AHCTF1: variants seen among roughly 807,000 people sequenced by gnomAD.
The protein encoded by AHCTF1 is protein ELYS.
AHCTF1 carries 24 observed loss-of-function variants against 248.4 expected under a neutral mutation model. The ratio of observed to expected loss-of-function variants is 0.10; its 90% confidence interval spans 0.07 to 0.14. AHCTF1 has a LOEUF of 0.14. Ranked by LOEUF, AHCTF1 falls within the 10% of genes least tolerant of loss-of-function variation. AHCTF1 has a pLI of 1.00. For synonymous variants in AHCTF1, 786 were observed against 929.8 expected (o/e 0.85, Z 2.81); for missense variants, 2,206 against 2,636.2 (o/e 0.84, Z 3.57).
intron 35 of AHCTF1, among the ~76,000 whole-genome samples, chr1:246,841,284 T>C (rs1659845525): frequency 6.6e-6 from 1 of 152,094 alleles, no homozygotes; most frequent in South Asian, 2.1e-4. Flanking sequence ...TATGAAAAAA[T>C]ACTGCTGGAT....
At chr1:246,858,087 G>C (rs532869171) in intron 29 of AHCTF1, among the ~76,000 whole-genome samples, 2 of 151,608 alleles carry the variant, frequency 1.3e-5, no homozygotes, top group South Asian at 4.2e-4. Flanking sequence ...CGCCCCCCGA[G>C]TAGCTGGCAC....
intron 3 of AHCTF1, among the ~76,000 whole-genome samples, chr1:246,914,155 A>G (rs576698199): frequency 4.5e-4 from 68 of 152,176 alleles, no homozygotes; most frequent in Non-Finnish European, 8.8e-4. Context: ...AGTCATCCAT[A>G]TTTTATACTT....
intron 21 of AHCTF1, among the ~76,000 whole-genome samples, chr1:246,882,820 T>A (rs1294027119): frequency 6.6e-6 from 1 of 152,194 alleles, no homozygotes; most frequent in Non-Finnish European, 1.5e-5. Context: ...TGATGGTATG[T>A]CCATATATAT....
chr1:246,870,372 A>G (rs906466575), intron 24 of AHCTF1, among the ~76,000 whole-genome samples: 3 of 152,214 alleles, frequency 2.0e-5, no homozygotes, highest in Non-Finnish European at 2.9e-5. Flanking sequence ...ACAATGAGCT[A>G]TGATTATACC....
chr1:246,898,136 C>T (rs1281398692), intron 12 of AHCTF1, 72 bp downstream of exon 12: 1 of 1,585,166 alleles, frequency 6.3e-7, no homozygotes, highest in Non-Finnish European at 8.6e-7. Flanking sequence ...TTATCTAATA[C>T]ATTTTTACTG....
At position 246,853,231 on chromosome 1, in the gene AHCTF1, C is replaced by T. The variant is rs923905386; in HGVS notation, c.4423G>A (p.Glu1475Lys). The change falls in exon 32 of 36, where the codon GAG (glutamate) becomes AAG (lysine). Residue 1475 changes from glutamate to lysine, a missense_variant. Glu to Lys is a moderately conservative substitution (Grantham distance 56). This residue lies in a region of AHCTF1 where 955 missense variants were observed against 1,055.6 expected (regional missense o/e 0.90). Transcript: ENST00000648844. ...LTISEGPIVS[E>K]RRLNQEVALN... ...GCTACTTCCTGGTTAAGCCTGCGCT[C>T]AGAGACAATAGGACCTTCAGAGATA... 26 of 1,613,774 alleles carry T rather than the reference C, an allele frequency of 1.6e-5. No homozygotes were observed. Among genetic ancestry groups the T allele is most frequent in the African/African-American group, 4.0e-5 (3 of 74,900 alleles).
intron 24 of AHCTF1, among the ~76,000 whole-genome samples, chr1:246,870,131 G>GC (rs1662475639): frequency 6.6e-6 from 1 of 152,198 alleles, no homozygotes; most frequent in Non-Finnish European, 1.5e-5. Context: ...GGGGGAAAGA[G>GC]CAAGAGAACT....
chr1:246,868,401 G>A (rs928831745), intron 24 of AHCTF1, among the ~76,000 whole-genome samples: 3 of 144,334 alleles, frequency 2.1e-5, no homozygotes, highest in African/African-American at 8.8e-5. Flanking sequence ...GATTACAGGC[G>A]TGAGCCACTG....
chr1:246,925,997 A>C (rs1439695168), intron 1 of AHCTF1, among the ~76,000 whole-genome samples: 1 of 151,102 alleles, frequency 6.6e-6, no homozygotes, highest in East Asian at 2.0e-4. Flanking sequence ...GCAGTGAGCC[A>C]TAACTGCACC....
At chr1:246,904,366 T>C (rs1009696512) in intron 6 of AHCTF1, among the ~76,000 whole-genome samples, 9 of 152,254 alleles carry the variant, frequency 5.9e-5, no homozygotes, top group African/African-American at 2.2e-4. Flanking sequence ...TAAAGTTCTA[T>C]AACATCTCCC....
At chr1:246,861,921 TAA>T in intron 28 of AHCTF1, 36 bp downstream of exon 28, 1 of 1,536,512 alleles carries the variant, frequency 6.5e-7, no homozygotes, top group Non-Finnish European at 8.9e-7. Flanking sequence ...ACATTCTTAT[TAA>T]AAAATGTCTT....
At chr1:246,927,786 C>T (rs1284719882) in intron 1 of AHCTF1, among the ~76,000 whole-genome samples, 3 of 152,118 alleles carry the variant, frequency 2.0e-5, no homozygotes, top group African/African-American at 7.2e-5. Context: ...TGGCGGATCA[C>T]AAGGTCAAGA....
At chr1:246,872,959 A>T (rs1662703371) in intron 24 of AHCTF1, among the ~76,000 whole-genome samples, 1 of 152,218 alleles carries the variant, frequency 6.6e-6, no homozygotes, top group South Asian at 2.1e-4. Flanking sequence ...AATCGCCTCC[A>T]GACCAACTAA....
At chr1:246,921,155 A>G (rs748580216) in intron 1 of AHCTF1, among the ~76,000 whole-genome samples, 2 of 152,198 alleles carry the variant, frequency 1.3e-5, no homozygotes, top group Non-Finnish European at 2.9e-5. Context: ...TGACATTTAT[A>G]TAAGGTTAAA....
chr1:246,859,196 C>G (rs1236789804), intron 29 of AHCTF1, among the ~76,000 whole-genome samples: 1 of 152,192 alleles, frequency 6.6e-6, no homozygotes, highest in African/African-American at 2.4e-5. Context: ...CTTCAGTGGA[C>G]TCTCATCTTA....
At chr1:246,919,960 G>A (rs923171768) in intron 1 of AHCTF1, among the ~76,000 whole-genome samples, 7 of 151,464 alleles carry the variant, frequency 4.6e-5, no homozygotes, top group South Asian at 2.1e-4. Flanking sequence ...ACAACATGGT[G>A]AAAACCTGTC....
At chr1:246,888,920 A>C (rs1223493045) in intron 17 of AHCTF1, among the ~76,000 whole-genome samples, 1 of 152,078 alleles carries the variant, frequency 6.6e-6, no homozygotes, top group Non-Finnish European at 1.5e-5. Context: ...GAGAGAGGAG[A>C]GAATTGGGAA....
intron 1 of AHCTF1, among the ~76,000 whole-genome samples, chr1:246,922,792 A>C (rs192578090): frequency 0.017 from 2,632 of 150,732 alleles, 39 homozygotes; most frequent in South Asian, 0.035. Context: ...ACCATCCTGG[A>C]TAACACGGTG....
intron 35 of AHCTF1, among the ~76,000 whole-genome samples, chr1:246,841,674 T>C (rs779093632): frequency 6.6e-6 from 1 of 152,236 alleles, no homozygotes; most frequent in African/African-American, 2.4e-5. Flanking sequence ...TACCTAACTT[T>C]CCTGACAAAG....
Sources: gnomAD v4.1 joint callset for allele counts (sites outside exome capture counted in the v4.1 genomes callset) on GRCh38, gnomAD v4.1.1 for gene constraint, gnomAD v4.1.1 regional missense constraint, MANE v1.5 for transcripts, NCBI Gene and HGNC (gene_info 2026-07-23, HGNC 2026-07-21) for gene names.